ANO4: variants seen among roughly 807,000 people sequenced by gnomAD.
The protein encoded by ANO4 is anoctamin-4.
ANO4 carries 69 observed loss-of-function variants against 141.9 expected under a neutral mutation model. That is an observed-to-expected ratio of 0.49 (90% CI 0.40 to 0.59). The LOEUF (loss-of-function observed/expected upper bound fraction) is 0.59. ANO4 is among the 20% of genes least tolerant of loss of function. The pLI is 0.00. For synonymous variants in ANO4, 350 were observed against 394.3 expected (o/e 0.89, Z 1.33); for missense variants, 894 against 1,162.2 (o/e 0.77, Z 3.36).
At chr12:100,717,660 A>G (rs2136702317) in intron 1 of ANO4, 1 of 396,280 alleles carries the variant, frequency 2.5e-6, no homozygotes, top group African/African-American at 2.1e-5. Flanking sequence ...GGGGTCTGGA[A>G]GGGAGGGAGA....
At chr12:101,093,692 A>G (rs1442724469) in intron 17 of ANO4, among the ~76,000 whole-genome samples, 1 of 152,074 alleles carries the variant, frequency 6.6e-6, no homozygotes, top group East Asian at 1.9e-4. Flanking sequence ...CCATCTATTG[A>G]CCAGATGGCT....
intron 2 of ANO4, among the ~76,000 whole-genome samples, chr12:100,919,515 G>C (rs2136094461): frequency 6.6e-6 from 1 of 152,254 alleles, no homozygotes; most frequent in South Asian, 2.1e-4. Flanking sequence ...AGGAGCAATA[G>C]GCTGCACCAT....
chr12:100,770,770 C>A (rs1237933226), intron 3 of ANO4, among the ~76,000 whole-genome samples: 2 of 147,164 alleles, frequency 1.4e-5, no homozygotes, highest in Non-Finnish European at 3.0e-5. Flanking sequence ...GTGGAAGAGG[C>A]CTTGGCTTGA....
At chr12:101,114,797 T>C (rs1025476287) in intron 24 of ANO4, among the ~76,000 whole-genome samples, 1 of 152,206 alleles carries the variant, frequency 6.6e-6, no homozygotes, top group African/African-American at 2.4e-5. Flanking sequence ...TGTCCAGGTC[T>C]AGACAGTTCC....
intron 1 of ANO4, among the ~76,000 whole-genome samples, chr12:100,717,903 A>C (rs919061509): frequency 6.6e-6 from 1 of 152,198 alleles, no homozygotes; most frequent in African/African-American, 2.4e-5. Context: ...GCGTTCAGCC[A>C]GCGCTTATCT....
chr12:100,762,826 A>G (rs533549186), intron 3 of ANO4, among the ~76,000 whole-genome samples: 2 of 152,300 alleles, frequency 1.3e-5, no homozygotes, highest in African/African-American at 4.8e-5. Context: ...TGCAGTTTCC[A>G]TGTGGGCAGG....
In ANO4 at chr12:100,939,335, C is replaced by G; in HGVS notation, c.181C>G (p.Leu61Val). ...IQEMAKDVNILFDELEAVSSP... is the reference protein window; with the variant it reads ...IQEMAKDVNIVFDELEAVSSP... ...TCTAGTGGCCAAGGATGTCAATATT[C>G]TTTTTGATGAATTAGAAGCTGTCAG... The change falls in exon 4 of 28, where the codon CTT becomes GTT. Residue 61 changes from leucine to valine, a missense_variant. Coordinates refer to ENST00000392977, the MANE Select transcript of ANO4 (RefSeq NM_001286615.2). 6.2e-7 allele frequency: 1 copy of G among 1,613,220 alleles called. No homozygotes were observed. The highest frequency in any genetic ancestry group is 8.5e-7 in the Non-Finnish European group (1 of 1,179,382).
intron 1 of ANO4, among the ~76,000 whole-genome samples, chr12:100,828,874 G>T (rs930625654): frequency 3.3e-5 from 5 of 151,940 alleles, no homozygotes; most frequent in Non-Finnish European, 5.9e-5. Flanking sequence ...AAAAAATTTA[G>T]CTGGGCATGG....
In ANO4 at chr12:100,939,179, A is replaced by G. The variant is rs1219866559; in HGVS notation, c.161-136A>G. On this transcript the variant is annotated intron_variant, in intron 3 of 27. Transcript: ENST00000392977. ...GTCTGACATACTTTTCTTTTAGGAA[A>G]TAATATGCTTGTCACTCAAGGAGTT... 11 of 882,474 alleles carry G rather than the reference A, an allele frequency of 1.2e-5. No individual in the cohort carries two copies. In the East Asian group the frequency reaches 2.2e-4, roughly 18 times the overall value. 54.7% of individuals were successfully genotyped at this position (882,474 alleles called of 1,614,324 possible). A position where few individuals can be genotyped will look rare whatever the true frequency, so the allele number is the denominator to read the frequency against.
chr12:101,079,178 C>A lies in ANO4; in HGVS notation c.1313-15C>A, dbSNP rs749835267. The A allele has an allele frequency of 1.2e-6, 2 of 1,611,098 alleles. No homozygotes were observed. Among genetic ancestry groups the A allele is most frequent in the Non-Finnish European group, 1.7e-6 (2 of 1,177,322 alleles). ...TTTATTCAAAAATGTCTTTGTCTTT[C>A]TCTGCTTGTTCCAGCAACAGTTTTC... On this transcript the variant is annotated splice_polypyrimidine_tract_variant and intron_variant, in intron 14 of 27. Transcript: ENST00000392977.
intron 1 of ANO4, among the ~76,000 whole-genome samples, chr12:100,727,012 C>G (rs892290452): frequency 7.0e-6 from 1 of 142,252 alleles, no homozygotes; most frequent in Non-Finnish European, 1.5e-5. Context: ...TTTATCATCA[C>G]AGATTAGGGT....
intron 1 of ANO4, among the ~76,000 whole-genome samples, chr12:100,851,763 C>T (rs555554975): frequency 6.6e-6 from 1 of 152,092 alleles, no homozygotes; most frequent in South Asian, 2.1e-4. Flanking sequence ...TGAAGGAAGG[C>T]CTCGCTTACC....
chr12:100,948,176 A>G (rs1222886970), intron 5 of ANO4, among the ~76,000 whole-genome samples: 2 of 139,222 alleles, frequency 1.4e-5, no homozygotes, highest in African/African-American at 5.1e-5. Flanking sequence ...AAAAAAAAAA[A>G]AAGTTAGGAG....
At chr12:100,788,801 T>G (rs191213839) in intron 3 of ANO4, among the ~76,000 whole-genome samples, 1 of 151,476 alleles carries the variant, frequency 6.6e-6, no homozygotes, top group Non-Finnish European at 1.5e-5. Flanking sequence ...TACATGATAG[T>G]GTAGAGGATA....
intron 8 of ANO4, among the ~76,000 whole-genome samples, chr12:101,011,859 G>A (rs1170561228): frequency 6.6e-6 from 1 of 152,118 alleles, no homozygotes. Flanking sequence ...AAAACCATCT[G>A]TAGGTAGTTA....
chr12:100,926,221 C>T (rs912085947), intron 3 of ANO4, among the ~76,000 whole-genome samples: 1 of 152,070 alleles, frequency 6.6e-6, no homozygotes, highest in Admixed American at 6.6e-5. Context: ...AAGAATTTTG[C>T]CACCATGCTT....
chr12:100,743,677 C>T (rs1321241828), intron 3 of ANO4, among the ~76,000 whole-genome samples: 1 of 152,076 alleles, frequency 6.6e-6, no homozygotes, highest in Non-Finnish European at 1.5e-5. Context: ...TAGTAAGTGT[C>T]ATAGAAAAAG....
At chr12:100,920,649 G>A (rs919852945) in intron 2 of ANO4, among the ~76,000 whole-genome samples, 2 of 152,152 alleles carry the variant, frequency 1.3e-5, no homozygotes, top group Non-Finnish European at 2.9e-5. Flanking sequence ...TTTGCAATGA[G>A]GCAGCTGCAT....
chr12:101,063,538 T>C (rs2048435893), intron 14 of ANO4, among the ~76,000 whole-genome samples: 1 of 152,122 alleles, frequency 6.6e-6, no homozygotes, highest in Non-Finnish European at 1.5e-5. Context: ...TTTTTACTTC[T>C]AGTGTCTTTT....
Sources: allele counts gnomAD v4.1 joint callset (sites outside exome capture counted in the v4.1 genomes callset), GRCh38; gene constraint gnomAD v4.1.1; transcripts MANE v1.5; gene names NCBI Gene and HGNC (gene_info 2026-07-23, HGNC 2026-07-21).